The following RAP1GDS1 variants were observed in gnomAD, a reference collection of about 807,000 sequenced individuals.
RAP1GDS1 encodes Rap1 GTPase-GDP dissociation stimulator 1.
A neutral mutation model predicts 71.1 loss-of-function variants in RAP1GDS1; 35 were observed. That is an observed-to-expected ratio of 0.49 (90% CI 0.38 to 0.65). The LOEUF (loss-of-function observed/expected upper bound fraction) is 0.65. Among genes scored for constraint, RAP1GDS1 ranks in the 30% least tolerant of loss-of-function variants. RAP1GDS1 has a pLI of 0.00. For synonymous variants in RAP1GDS1, 229 were observed against 243.1 expected (o/e 0.94, Z 0.54); for missense variants, 663 against 706.1 (o/e 0.94, Z 0.69).
At chr4:98,360,171 A>G (rs1578580512) in intron 4 of RAP1GDS1, among the ~76,000 whole-genome samples, 1 of 152,308 alleles carries the variant, frequency 6.6e-6, no homozygotes, top group Middle Eastern at 3.4e-3. Flanking sequence ...ATTACTTTCC[A>G]AATACTATGT....
intron 4 of RAP1GDS1, among the ~76,000 whole-genome samples, chr4:98,364,922 C>T (rs776060998): frequency 7.9e-5 from 12 of 151,882 alleles, no homozygotes; most frequent in Non-Finnish European, 1.5e-4. Context: ...CCAGCTACTC[C>T]AGAGGCTGAG....
chr4:98,282,571 C>T (rs924805918), intron 1 of RAP1GDS1, among the ~76,000 whole-genome samples: 76 of 142,230 alleles, frequency 5.3e-4, no homozygotes, highest in African/African-American at 2.0e-3. Context: ...CTCCTGGATT[C>T]ATTGATTTTT....
intron 4 of RAP1GDS1, among the ~76,000 whole-genome samples, chr4:98,370,076 A>G (rs1740129762): frequency 1.3e-5 from 2 of 152,026 alleles, no homozygotes; most frequent in South Asian, 4.1e-4. Context: ...CTTAAATTAT[A>G]TGTTTTCCCT....
rs1736014230 is a variant in RAP1GDS1 at position 98,344,994 on chromosome 4, T to G, written c.235+1733T>G. Among the ~76,000 whole-genome samples the G allele has an allele frequency of 2.6e-5, 4 of 152,234 alleles. No homozygotes were observed. The South Asian group carries it at 8.3e-4, about 32-fold the overall frequency. ...ATGTGCCACCATGCCTGGCTAATTTTTAAATTATTATTATTTTTTGTAAAG... is the reference window on the plus strand; with the variant it reads ...ATGTGCCACCATGCCTGGCTAATTTGTAAATTATTATTATTTTTTGTAAAG... On this transcript the variant is annotated intron_variant, in intron 3 of 14. Coordinates refer to ENST00000408927, the MANE Select transcript of RAP1GDS1 (RefSeq NM_001100427.2).
In RAP1GDS1 at chr4:98,275,018, C is replaced by CTGTGTGTGTGTGTGTGTG. The variant is rs3974887; in HGVS notation, c.4+13465_4+13482dup. On this transcript the variant is annotated intron_variant, in intron 1 of 14. Coordinates refer to ENST00000408927, the MANE Select transcript of RAP1GDS1 (RefSeq NM_001100427.2). ...ACCCGGAAGCTTAATTTGTTTGCAGCTGTGTGTGTGTGTGTGTGTGTGTGT... is the reference window on the plus strand; with the variant it reads ...ACCCGGAAGCTTAATTTGTTTGCAGCTGTGTGTGTGTGTGTGTGTGTGTGTGTGTGTGTGTGTGTGTGT... Among the ~76,000 whole-genome samples the CTGTGTGTGTGTGTGTGTG allele has an allele frequency of 1.9e-4, 28 of 144,926 alleles. No individual in the cohort carries two copies. In the South Asian group the frequency reaches 4.7e-3, roughly 24 times the overall value.
At chr4:98,394,480 C>T (rs1003327099) in intron 6 of RAP1GDS1, among the ~76,000 whole-genome samples, 1 of 151,868 alleles carries the variant, frequency 6.6e-6, no homozygotes, top group East Asian at 1.9e-4. Flanking sequence ...GTAGTATGTC[C>T]ATATAAGGAG....
chr4:98,430,326 T>C (rs530300916), intron 12 of RAP1GDS1, among the ~76,000 whole-genome samples: 11 of 152,358 alleles, frequency 7.2e-5, no homozygotes, highest in African/African-American at 2.6e-4. Context: ...AGTATACTGC[T>C]GCTAAGCAGC....
intron 2 of RAP1GDS1, among the ~76,000 whole-genome samples, chr4:98,300,732 CCAAAAAA>C (rs1325623527): frequency 1.3e-5 from 2 of 151,622 alleles, no homozygotes; most frequent in African/African-American, 2.4e-5. Context: ...TATTGGGAAA[CCAAAAAA>C]CAAAAAACAA....
intron 1 of RAP1GDS1, among the ~76,000 whole-genome samples, chr4:98,289,732 C>A (rs1457691584): frequency 3.3e-5 from 5 of 151,998 alleles, no homozygotes; most frequent in African/African-American, 9.7e-5. Flanking sequence ...AGATACTAAA[C>A]CCTTTAGATA....
rs375346517 is a variant in RAP1GDS1, at chr4:98,420,015, C to G, written c.1175-4C>G. 13 of 1,585,086 alleles carry G rather than the reference C, an allele frequency of 8.2e-6. No individual in the cohort carries two copies. The highest frequency in any genetic ancestry group is 1.0e-5 in the Non-Finnish European group (12 of 1,166,440). Reference sequence around the variant, plus strand: ...TTTTAACCATAGTCTCTCTTTTTCTCCAGTTATAAATAAAGCAAAGATGTT... The same window carrying G: ...TTTTAACCATAGTCTCTCTTTTTCTGCAGTTATAAATAAAGCAAAGATGTT... On this transcript the variant is annotated splice_polypyrimidine_tract_variant and splice_region_variant and intron_variant, in intron 10 of 14. Coordinates refer to ENST00000408927, the MANE Select transcript of RAP1GDS1 (RefSeq NM_001100427.2).
intron 12 of RAP1GDS1, among the ~76,000 whole-genome samples, chr4:98,428,482 A>C (rs1209192544): frequency 6.6e-6 from 1 of 152,188 alleles, no homozygotes; most frequent in Non-Finnish European, 1.5e-5. Context: ...CAGAATCTAC[A>C]ATAAACTCAA....
intron 3 of RAP1GDS1, among the ~76,000 whole-genome samples, chr4:98,347,033 A>G (rs12502351): frequency 0.075 from 11,350 of 152,250 alleles, 458 homozygotes; most frequent in Admixed American, 0.14. Flanking sequence ...TTCAAACATG[A>G]ATATGTTATG....
intron 2 of RAP1GDS1, among the ~76,000 whole-genome samples, chr4:98,338,993 G>A (rs1735114809): frequency 6.6e-6 from 1 of 152,140 alleles, no homozygotes; most frequent in African/African-American, 2.4e-5. Flanking sequence ...TAAATTATGA[G>A]TTCCCTCCCA....
chr4:98,322,942 A>G (rs1265084296), intron 2 of RAP1GDS1, among the ~76,000 whole-genome samples: 4 of 141,372 alleles, frequency 2.8e-5, no homozygotes, highest in Admixed American at 2.1e-4. Flanking sequence ...GAAGTGAAAT[A>G]GAGACACAAA....
At chr4:98,331,032 C>T (rs1338296096) in intron 2 of RAP1GDS1, among the ~76,000 whole-genome samples, 1 of 152,140 alleles carries the variant, frequency 6.6e-6, no homozygotes, top group African/African-American at 2.4e-5. Context: ...GAGCGAGACT[C>T]CGTCTGCAAT....
intron 6 of RAP1GDS1, among the ~76,000 whole-genome samples, chr4:98,398,227 GA>G (rs33929395): frequency 0.16 from 22,245 of 142,890 alleles, 2,459 homozygotes; most frequent in African/African-American, 0.32. Flanking sequence ...ACGAGTAAAG[GA>G]AAAAAAAAAG....
chr4:98,430,594 A>G (rs977622359), intron 12 of RAP1GDS1, among the ~76,000 whole-genome samples: 1 of 152,262 alleles, frequency 6.6e-6, no homozygotes, highest in Non-Finnish European at 1.5e-5. Context: ...GCACACATTA[A>G]TACTAAAGAA....
intron 7 of RAP1GDS1, chr4:98,409,818 A>G (rs765769507): frequency 3.6e-6 from 1 of 278,742 alleles, no homozygotes; most frequent in African/African-American, 2.3e-5. Flanking sequence ...ATAAAAAATT[A>G]ATTCCAGATA....
intron 2 of RAP1GDS1, among the ~76,000 whole-genome samples, chr4:98,308,126 C>G (rs902824457): frequency 6.6e-6 from 1 of 151,084 alleles, no homozygotes; most frequent in Non-Finnish European, 1.5e-5. Flanking sequence ...GACAGCATCT[C>G]TATCAAAGAA....
Sources: gnomAD v4.1 joint callset for allele counts (sites outside exome capture counted in the v4.1 genomes callset) on GRCh38, gnomAD v4.1.1 for gene constraint, MANE v1.5 for transcripts, NCBI Gene and HGNC (gene_info 2026-07-23, HGNC 2026-07-21) for gene names.